The following MBNL3 variants were observed in gnomAD, a reference collection of about 807,000 sequenced individuals.
MBNL3 encodes the protein muscleblind-like protein 3.
MBNL3 carries 6 observed loss-of-function variants against 24.5 expected under a neutral mutation model. The observed-to-expected ratio is 0.25, with a 90% CI of 0.13 to 0.48. The LOEUF is 0.48. Among genes scored for constraint, MBNL3 ranks in the 20% least tolerant of loss-of-function variants. The pLI is 0.99. For synonymous variants in MBNL3, 100 were observed against 101.7 expected, an observed-to-expected ratio of 0.98 and a Z score of 0.10; for missense variants, 230 against 293.5, an observed-to-expected ratio of 0.78 and a Z score of 1.58.
chrX:132,417,936 TATTA>T (rs1252389697), intron 2 of MBNL3, among the ~76,000 whole-genome samples: 1 of 112,144 alleles, frequency 8.9e-6, no homozygotes, highest in African/African-American at 3.2e-5. Context: ...ATAACTAGAC[TATTA>T]ATTTGGTTTT....
At chrX:132,403,293 G>A (rs997118726) in intron 3 of MBNL3, among the ~76,000 whole-genome samples, 1 of 111,470 alleles carries the variant, frequency 9.0e-6, no homozygotes, top group African/African-American at 3.3e-5. Context: ...CAACCATCTC[G>A]GAGTTAGATT....
chrX:132,470,501 G>A (rs1244229322), intron 1 of MBNL3, among the ~76,000 whole-genome samples: 1 of 111,608 alleles, frequency 9.0e-6, no homozygotes, highest in Non-Finnish European at 1.9e-5. Context: ...AAATGCTATA[G>A]TTCCTCTAGA....
In MBNL3 at chrX:132,396,961, T is replaced by TATATATATGA. The variant is rs1187901393; in HGVS notation, c.343-4637_343-4628dup. ...TCATATATATATTCATATATATTCA[T>TATATATATGA]ATATATATGAATATATATGAATATA... On this transcript the variant is annotated intron_variant, in intron 3 of 8. Transcript: ENST00000370853. Among the ~76,000 whole-genome samples, 23 of 81,638 alleles carry TATATATATGA rather than the reference T, an allele frequency of 2.8e-4. No individual in the cohort carries two copies. The East Asian group carries it at 7.4e-3, about 26-fold the overall frequency. The allele number at this position is 81,638 out of a possible 115,157, so 70.9% of individuals were successfully genotyped here.
chrX:132,397,033 A>G (rs1939875490), intron 3 of MBNL3, among the ~76,000 whole-genome samples: 1 of 98,078 alleles, frequency 1.0e-5, no homozygotes, highest in African/African-American at 3.7e-5. Context: ...CAAATTGAAA[A>G]TGTTTGGCTT....
chrX:132,404,074 C>T lies in MBNL3; in HGVS notation c.342+2154G>A, dbSNP rs190951304. Among the ~76,000 whole-genome samples, 245 of 107,175 alleles carry T rather than the reference C, an allele frequency of 2.3e-3. 1 individual carries two copies. Among genetic ancestry groups the T allele is most frequent in the Middle Eastern group, 4.7e-3 (1 of 214 alleles). 93.1% of individuals were successfully genotyped at this position (107,175 alleles called of 115,157 possible). A position where few individuals can be genotyped will look rare whatever the true frequency, so the allele number is the denominator to read the frequency against. On this transcript the variant is annotated intron_variant, in intron 3 of 8. Coordinates refer to ENST00000370853, the MANE Select transcript of MBNL3 (RefSeq NM_001386889.1). Reference sequence around the variant, plus strand: ...CTATGCATTCAGTTTTTTCAAGGTTCCACATATGAGTGAGATCATATAGTA... The same window carrying T: ...CTATGCATTCAGTTTTTTCAAGGTTTCACATATGAGTGAGATCATATAGTA...
rs1231740660 is a variant in MBNL3 at position 132,377,966 on chromosome X, T to C, written c.*1700A>G. The C allele has an allele frequency of 9.0e-6, 1 of 110,843 alleles. No homozygotes were observed. 9.1% of individuals were successfully genotyped at this position (110,843 alleles called of 1,213,427 possible). On this transcript the variant is annotated 3_prime_UTR_variant, in exon 9 of 9. Transcript: ENST00000370853. Reference sequence around the variant, plus strand: ...AAATGAGTAGAGTGGATGAGATATGTCACACACCACAGGAATTATTTGGTT... The same window carrying C: ...AAATGAGTAGAGTGGATGAGATATGCCACACACCACAGGAATTATTTGGTT...
intron 3 of MBNL3, among the ~76,000 whole-genome samples, chrX:132,405,113 T>C (rs1236116653): frequency 8.9e-6 from 1 of 112,079 alleles, no homozygotes; most frequent in Non-Finnish European, 1.9e-5. Flanking sequence ...TGAACAGATA[T>C]AGCTTAATTA....
In MBNL3 at chrX:132,425,221, C is replaced by T. The variant is rs1188460884; in HGVS notation, c.177+14214G>A. Among the ~76,000 whole-genome samples, 26 of 111,531 alleles carry T rather than the reference C, an allele frequency of 2.3e-4. 1 individual carries two copies. In the Admixed American group the frequency reaches 2.5e-3, roughly 11 times the overall value. On this transcript the variant is annotated intron_variant, in intron 2 of 8. Transcript: ENST00000370853. ...ATATCTTGGTTATTGAGGATTGCACCAAGACCTCAGGATCGCCTGTACAGA... is the reference window on the plus strand; with the variant it reads ...ATATCTTGGTTATTGAGGATTGCACTAAGACCTCAGGATCGCCTGTACAGA...
chrX:132,489,091 G>T (rs892290478), upstream of MBNL3: 6 of 113,517 alleles, frequency 5.3e-5, no homozygotes, highest in Non-Finnish European at 9.4e-5. Context: ...CCCACCTCCA[G>T]AACTTCAGGG....
In MBNL3 at chrX:132,440,355, A is replaced by G. The variant is rs190035103; in HGVS notation, c.-703-41T>C. Among the ~76,000 whole-genome samples, 185 of 111,760 alleles carry G rather than the reference A, an allele frequency of 1.7e-3. 1 individual carries two copies. Among genetic ancestry groups the G allele is most frequent in the Admixed American group, 0.015 (161 of 10,497 alleles). ...AAATAAAATTAGCTAAAATAATACAATGCTTCCGTTTCAAACTCTAGATTT... is the reference window on the plus strand; with the variant it reads ...AAATAAAATTAGCTAAAATAATACAGTGCTTCCGTTTCAAACTCTAGATTT... On this transcript the variant is annotated intron_variant, in intron 1 of 8. Transcript: ENST00000370853.
chrX:132,469,118 A>G lies in MBNL3; in HGVS notation c.-704+19733T>C, dbSNP rs190327252. Among the ~76,000 whole-genome samples the G allele has an allele frequency of 4.9e-3, 548 of 112,185 alleles. 4 individuals are homozygous for G. The highest frequency in any genetic ancestry group is 0.018 in the Middle Eastern group (4 of 217). On this transcript the variant is annotated intron_variant, in intron 1 of 8. Coordinates refer to ENST00000370853, the MANE Select transcript of MBNL3 (RefSeq NM_001386889.1). The stretch of plus-strand genomic sequence containing the variant: ...TCAAATATAGAGAAGAATACCGTGG[A>G]TGGGGTATCCATATCAGATAAGTGA...
At chrX:132,468,583 C>T (rs1210720963) in intron 1 of MBNL3, among the ~76,000 whole-genome samples, 1 of 112,353 alleles carries the variant, frequency 8.9e-6, no homozygotes, top group African/African-American at 3.2e-5. Context: ...TTAGCACACT[C>T]GTATATATTA....
chrX:132,461,929 A>T (rs916818988), intron 1 of MBNL3, among the ~76,000 whole-genome samples: 1 of 112,140 alleles, frequency 8.9e-6, no homozygotes, highest in African/African-American at 3.2e-5. Context: ...GAAGTTGAGT[A>T]GTTCAATCAT....
At chrX:132,447,186 G>A (rs762854846) in intron 1 of MBNL3, among the ~76,000 whole-genome samples, 7 of 111,810 alleles carry the variant, frequency 6.3e-5, no homozygotes, top group Admixed American at 5.7e-4. Context: ...GTCAGGTAGC[G>A]TGATGCCTCC....
chrX:132,397,379 C>A (rs1032858019), intron 3 of MBNL3, among the ~76,000 whole-genome samples: 1 of 111,252 alleles, frequency 9.0e-6, no homozygotes, highest in African/African-American at 3.3e-5. Flanking sequence ...TGTGTCTCCT[C>A]AATAGCCTAG....
chrX:132,385,865 A>C (rs1023689190), intron 6 of MBNL3, among the ~76,000 whole-genome samples: 1 of 95,495 alleles, frequency 1.0e-5, no homozygotes, highest in Non-Finnish European at 2.1e-5. Context: ...AATAGTTTCC[A>C]ATCTTGGGCA....
intron 1 of MBNL3, among the ~76,000 whole-genome samples, chrX:132,442,695 A>C (rs1474103519): frequency 1.8e-5 from 2 of 113,173 alleles, no homozygotes; most frequent in African/African-American, 3.2e-5. Flanking sequence ...ACTGCAAAAA[A>C]GAATTGGCTT....
At chrX:132,455,834 C>T (rs1202527910) in intron 1 of MBNL3, among the ~76,000 whole-genome samples, 1 of 112,091 alleles carries the variant, frequency 8.9e-6, no homozygotes, top group Non-Finnish European at 1.9e-5. Context: ...CAATCGCTTG[C>T]TTCTGAGTTA....
chrX:132,466,258 C>T (rs1031019364), intron 1 of MBNL3, among the ~76,000 whole-genome samples: 1 of 112,219 alleles, frequency 8.9e-6, no homozygotes. Context: ...AAAGAAACTT[C>T]AGTAATGCCT....
Sources: allele counts gnomAD v4.1 joint callset (sites outside exome capture counted in the v4.1 genomes callset), GRCh38; gene constraint gnomAD v4.1.1; transcripts MANE v1.5; gene names NCBI Gene and HGNC (gene_info 2026-07-23, HGNC 2026-07-21).